The following SNRK variants were observed in gnomAD, a reference collection of about 807,000 sequenced individuals.
SNRK encodes SNF-related serine/threonine-protein kinase.
In SNRK, 3 loss-of-function variants were observed where a neutral mutation model predicts 48.2. The observed-to-expected ratio is 0.06, with a 90% CI of 0.03 to 0.16. The LOEUF (loss-of-function observed/expected upper bound fraction) is 0.16, where lower values mean the gene tolerates loss of function less well. SNRK is among the 10% of genes least tolerant of loss of function. SNRK has a pLI of 1.00. For missense variants in SNRK, 627 were observed against 976.0 expected (o/e 0.64, Z 4.76); for synonymous variants, 376 against 366.1 (o/e 1.03, Z -0.31).
rs529321747 is a variant in SNRK at position 43,315,916 on chromosome 3, A to T, written c.589+12124A>T. ...TTATCACTTGTCATATAAAACGAGA[A>T]GGAAAGAATGAAAATCTTTTCCTAA... On this transcript the variant is annotated intron_variant, in intron 3 of 6. Transcript: ENST00000296088. 7.2e-4 allele frequency among the ~76,000 whole-genome samples: 110 copies of T among 152,372 alleles called. 1 individual carries two copies. Among genetic ancestry groups the T allele is most frequent in the African/African-American group, 2.5e-3 (106 of 41,586 alleles).
At chr3:43,329,172 A>G (rs2091126286) in intron 3 of SNRK, among the ~76,000 whole-genome samples, 1 of 152,188 alleles carries the variant, frequency 6.6e-6, no homozygotes, top group Admixed American at 6.5e-5. Flanking sequence ...AGACAAAAGT[A>G]AAGTAAGAAG....
Position 43,343,470 on chromosome 3 carries a change from C to A in SNRK, c.1071C>A (p.Ala357=). 6.2e-7 allele frequency: 1 copy of A among 1,611,704 alleles called. No individual in the cohort carries two copies. Reference sequence around the variant, plus strand: ...CTGCAAGCCCGAGCAATATCAAGGCCCAGTTTAGGTGAGAAAAAAATCTTC... The same window carrying A: ...CTGCAAGCCCGAGCAATATCAAGGCACAGTTTAGGTGAGAAAAAAATCTTC... ...TRSASPSNIK[A]QFRQSWPTKI... is the part of the protein sequence containing the mutation. Residue 357 remains alanine, a synonymous_variant, in exon 6 of 7, where the codon GCC becomes GCA. Transcript: ENST00000296088.
rs61375879 is a variant in SNRK at position 43,332,083 on chromosome 3, A to G, written c.590-86A>G. 6.0e-3 allele frequency: 6,384 copies of G among 1,072,366 alleles called. 247 individuals carry two copies. The African/African-American group carries it at 0.086, about 14-fold the overall frequency. The allele number at this position is 1,072,366 out of a possible 1,614,324, so 66.4% of individuals were successfully genotyped here. ...GAGATATAAATGCTTTTGACTGCTCAAGATAAAATAATATTGTTAGCGCAC... is the reference window on the plus strand; with the variant it reads ...GAGATATAAATGCTTTTGACTGCTCGAGATAAAATAATATTGTTAGCGCAC... On this transcript the variant is annotated intron_variant, in intron 3 of 6. Coordinates refer to ENST00000296088, the MANE Select transcript of SNRK (RefSeq NM_017719.5).
At chr3:43,322,707 C>CT (rs1434381592) in intron 3 of SNRK, among the ~76,000 whole-genome samples, 1 of 152,058 alleles carries the variant, frequency 6.6e-6, no homozygotes, top group Non-Finnish European at 1.5e-5. Flanking sequence ...AATCCGAGCA[C>CT]TTTGGGAGGC....
intron 3 of SNRK, among the ~76,000 whole-genome samples, chr3:43,330,262 G>C (rs909000378): frequency 2.0e-5 from 3 of 150,704 alleles, no homozygotes; most frequent in African/African-American, 7.3e-5. Context: ...CCTTTTTTTT[G>C]CTGTGGAGGG....
chr3:43,318,688 G>T (rs975842651), intron 3 of SNRK, among the ~76,000 whole-genome samples: 1 of 152,024 alleles, frequency 6.6e-6, no homozygotes, highest in Non-Finnish European at 1.5e-5. Flanking sequence ...GCATGTTGCC[G>T]AACAGACTGA....
intron 1 of SNRK, among the ~76,000 whole-genome samples, chr3:43,292,510 C>T (rs778040143): frequency 3.3e-5 from 5 of 152,156 alleles, no homozygotes; most frequent in African/African-American, 9.7e-5. Flanking sequence ...TTGTCCAGCA[C>T]GGTTGCTTAA....
intron 3 of SNRK, among the ~76,000 whole-genome samples, chr3:43,329,604 G>T (rs2091130536): frequency 6.6e-6 from 1 of 152,090 alleles, no homozygotes; most frequent in Admixed American, 6.5e-5. Flanking sequence ...CCAACTACTT[G>T]ACATAGAATT....
intron 3 of SNRK, among the ~76,000 whole-genome samples, chr3:43,330,219 A>G (rs901937868): frequency 1.3e-5 from 2 of 152,202 alleles, no homozygotes; most frequent in South Asian, 4.1e-4. Flanking sequence ...TTTATTGTTT[A>G]TGTATTTTCA....
At position 43,286,598 on chromosome 3, in the gene SNRK, G is replaced by T. The variant is rs908996291; in HGVS notation, c.-246G>T. On this transcript the variant is annotated 5_prime_UTR_variant, in exon 1 of 7. Coordinates refer to ENST00000296088, the MANE Select transcript of SNRK (RefSeq NM_017719.5). Reference sequence around the variant, plus strand: ...CCCGCTCGGTATTATGATTAGCGCTGGGTGCGGGGTTTCGGCGGCCGGGAG... The same window carrying T: ...CCCGCTCGGTATTATGATTAGCGCTTGGTGCGGGGTTTCGGCGGCCGGGAG... The T allele has an allele frequency of 1.3e-5, 2 of 150,460 alleles. No individual in the cohort carries two copies. The highest frequency in any genetic ancestry group is 3.0e-5 in the Non-Finnish European group (2 of 67,364). The allele number at this position is 150,460 out of a possible 1,614,324, so 9.3% of individuals were successfully genotyped here. A position where few individuals can be genotyped will look rare whatever the true frequency, so the allele number is the denominator to read the frequency against.
At chr3:43,344,753 A>G (rs2091262438) in intron 6 of SNRK, among the ~76,000 whole-genome samples, 2 of 152,184 alleles carry the variant, frequency 1.3e-5, no homozygotes, top group South Asian at 4.1e-4. Context: ...GAGATAAACC[A>G]GAGACTGATG....
chr3:43,350,864 G>GTGTA lies in SNRK; in HGVS notation c.*2308_*2309insGTAT, dbSNP rs144310624. 14 of 152,092 alleles carry GTGTA rather than the reference G, an allele frequency of 9.2e-5. No individual in the cohort carries two copies. Among genetic ancestry groups the GTGTA allele is most frequent in the Non-Finnish European group, 1.5e-4 (10 of 67,902 alleles). 9.4% of individuals were successfully genotyped at this position (152,092 alleles called of 1,614,324 possible). On this transcript the variant is annotated 3_prime_UTR_variant, in exon 7 of 7. Transcript: ENST00000296088. ...CAGTCTTGTATTTTTCTGTATGTGTGTATATATATATAATTATGTACTTCT... is the reference window on the plus strand; with the variant it reads ...CAGTCTTGTATTTTTCTGTATGTGTGTGTATATATATATATAATTATGTACTTCT...
At chr3:43,290,168 T>G (rs1214448679) in intron 1 of SNRK, among the ~76,000 whole-genome samples, 6 of 152,190 alleles carry the variant, frequency 3.9e-5, no homozygotes, top group Admixed American at 6.5e-5. Flanking sequence ...AGGCAGAGAC[T>G]ACTTCTTTGA....
chr3:43,304,647 T>C (rs2090923308), intron 3 of SNRK, among the ~76,000 whole-genome samples: 1 of 152,170 alleles, frequency 6.6e-6, no homozygotes. Flanking sequence ...GTCAGCTTTT[T>C]AATTTGTTAA....
At chr3:43,345,010 A>G (rs1163004694) in intron 6 of SNRK, among the ~76,000 whole-genome samples, 2 of 152,184 alleles carry the variant, frequency 1.3e-5, no homozygotes, top group Non-Finnish European at 1.5e-5. Context: ...CAGTGGTTCA[A>G]CCCTTTGGGA....
chr3:43,333,624 A>G (rs1441244417), intron 4 of SNRK, among the ~76,000 whole-genome samples: 1 of 152,132 alleles, frequency 6.6e-6, no homozygotes, highest in African/African-American at 2.4e-5. Context: ...CTGGGGGCAT[A>G]CGTTGTCTGC....
chr3:43,302,369 G>C (rs1254151822), intron 2 of SNRK, among the ~76,000 whole-genome samples: 1 of 152,080 alleles, frequency 6.6e-6, no homozygotes, highest in Non-Finnish European at 1.5e-5. Context: ...TTTGGAAAAA[G>C]TTGCATTTCA....
chr3:43,306,673 A>G (rs2082198414), intron 3 of SNRK, among the ~76,000 whole-genome samples: 1 of 152,098 alleles, frequency 6.6e-6, no homozygotes. Flanking sequence ...GCAATATCTG[A>G]TGTGTACATC....
chr3:43,337,249 A>C (rs1448315396), intron 4 of SNRK, among the ~76,000 whole-genome samples: 1 of 142,790 alleles, frequency 7.0e-6, no homozygotes, highest in African/African-American at 2.6e-5. Flanking sequence ...AATTTTTTGT[A>C]TTTTTAGTAG....
Sources: gnomAD v4.1 joint callset for allele counts (sites outside exome capture counted in the v4.1 genomes callset) on GRCh38, gnomAD v4.1.1 for gene constraint, MANE v1.5 for transcripts, NCBI Gene and HGNC (gene_info 2026-07-23, HGNC 2026-07-21) for gene names.